The following RGMA variants were observed in gnomAD, a reference collection of about 807,000 sequenced individuals.
The protein encoded by RGMA is repulsive guidance molecule BMP co-receptor a.
A neutral mutation model predicts 23.2 loss-of-function variants in RGMA; 10 were observed. That is an observed-to-expected ratio of 0.43 (90% CI 0.27 to 0.73). RGMA has a LOEUF of 0.73. Among genes scored for constraint, RGMA ranks in the 30% least tolerant of loss-of-function variants. The pLI is 0.20. For missense variants in RGMA, 547 were observed against 630.5 expected (o/e 0.87, Z 1.42); for synonymous variants, 308 against 279.3 (o/e 1.10, Z -1.03).
rs113417002 is a variant in RGMA, at chr15:93,072,325, C to T, written c.130+591G>A. ...TTTAATTCTGAAATTCTCTCCTTTT[C>T]TGACACAATAAAAACAAACAGGGGG... On this transcript the variant is annotated intron_variant, in intron 2 of 3. Transcript: ENST00000329082. Among the ~76,000 whole-genome samples the T allele has an allele frequency of 5.6e-3, 855 of 152,304 alleles. 14 individuals carry two copies. The highest frequency in any genetic ancestry group is 0.02 in the African/African-American group (817 of 41,574).
chr15:93,059,493 G>T (rs1372173512), intron 2 of RGMA, among the ~76,000 whole-genome samples: 1 of 152,202 alleles, frequency 6.6e-6, no homozygotes, highest in East Asian at 1.9e-4. Flanking sequence ...ACTTGGAAAA[G>T]GCCACTGACA....
intron 2 of RGMA, among the ~76,000 whole-genome samples, chr15:93,054,978 T>C (rs1567183761): frequency 6.6e-6 from 1 of 151,944 alleles, no homozygotes; most frequent in Non-Finnish European, 1.5e-5. Flanking sequence ...TGGGGGCGTG[T>C]ATGGGGAGGG....
At chr15:93,085,290 G>C (rs185781465) in intron 1 of RGMA, among the ~76,000 whole-genome samples, 1 of 152,210 alleles carries the variant, frequency 6.6e-6, no homozygotes, top group East Asian at 1.9e-4. Flanking sequence ...CAAGACAGAA[G>C]TCAATGAGTT....
At chr15:93,073,156 C>A (rs1895394174) in intron 1 of RGMA, 125 bp from the exon 2 acceptor site, 1 of 1,211,460 alleles carries the variant, frequency 8.3e-7, no homozygotes. Context: ...GCGCCCGGCG[C>A]GCTCCCCTTC....
At chr15:93,047,792 G>A (rs1007752623) in intron 3 of RGMA, among the ~76,000 whole-genome samples, 5 of 152,358 alleles carry the variant, frequency 3.3e-5, no homozygotes, top group South Asian at 4.1e-4. Flanking sequence ...ATGCCGCCGC[G>A]TGCCAAGGGA....
rs1449767316 is a variant in RGMA at position 93,038,424 on chromosome 15, A to G, written c.*6574T>C. ...GTCTTGTCTGCTGGGAGACACAGGTATGCGAGGGCGGAGGGTGGACTGTTT... is the reference window on the plus strand; with the variant it reads ...GTCTTGTCTGCTGGGAGACACAGGTGTGCGAGGGCGGAGGGTGGACTGTTT... On this transcript the variant is annotated 3_prime_UTR_variant, in exon 4 of 4. Transcript: ENST00000329082. 1 of 152,128 alleles carries G rather than the reference A, an allele frequency of 6.6e-6. No homozygotes were observed. Among genetic ancestry groups the G allele is most frequent in the Non-Finnish European group, 1.5e-5 (1 of 68,044 alleles). The allele number at this position is 152,128 out of a possible 1,614,324, so 9.4% of individuals were successfully genotyped here.
At chr15:93,077,105 T>C (rs897802750) in intron 1 of RGMA, among the ~76,000 whole-genome samples, 1 of 152,042 alleles carries the variant, frequency 6.6e-6, no homozygotes, top group East Asian at 1.9e-4. Context: ...AGGAACAAAG[T>C]GTGCTTTACC....
chr15:93,074,140 T>C (rs1382147919), intron 1 of RGMA: 4 of 613,884 alleles, frequency 6.5e-6, no homozygotes, highest in African/African-American at 1.9e-5. Flanking sequence ...CAAATAGTCC[T>C]GAGCAAGTGT....
At position 93,080,484 on chromosome 15, in the gene RGMA, G is replaced by A. The variant is rs548846679; in HGVS notation, c.15-7453C>T. Among the ~76,000 whole-genome samples, 37 of 152,294 alleles carry A rather than the reference G, an allele frequency of 2.4e-4. 1 individual carries two copies. The highest frequency in any genetic ancestry group is 2.2e-3 in the Admixed American group (33 of 15,296). ...CAGGCTTGGTGACAGAGTGAGGTTTGGGCAGCTCTGGGTGACTCCCAGCTG... is the reference window on the plus strand; with the variant it reads ...CAGGCTTGGTGACAGAGTGAGGTTTAGGCAGCTCTGGGTGACTCCCAGCTG... On this transcript the variant is annotated intron_variant, in intron 1 of 3. Transcript: ENST00000329082.
chr15:93,052,025 G>A lies in RGMA; in HGVS notation c.613C>T (p.Leu205=). Residue 205 remains leucine (L), a synonymous_variant, in exon 3 of 4, where the codon CTG becomes TTG. Coordinates refer to ENST00000329082, the MANE Select transcript of RGMA (RefSeq NM_020211.3). ...GTGGCAGTGGCCGCTGAGCCGGGCA[G>A]CACAGGCGTGTTGGTGACCTGCACG... ...LNVQVTNTPV[L]PGSAATATSK... is the part of the protein sequence containing the mutation. 1 of 1,609,516 alleles carries A rather than the reference G, an allele frequency of 6.2e-7. No individual in the cohort carries two copies. The highest frequency in any genetic ancestry group is 8.5e-7 in the Non-Finnish European group (1 of 1,178,438).
At chr15:93,079,817 CA>C (rs937523183) in intron 1 of RGMA, among the ~76,000 whole-genome samples, 13 of 147,156 alleles carry the variant, frequency 8.8e-5, no homozygotes, top group African/African-American at 2.0e-4. Flanking sequence ...GACTCTGTCT[CA>C]AAAAAAAAAG....
chr15:93,044,763 T>G lies in RGMA; in HGVS notation c.*235A>C. The stretch of plus-strand genomic sequence containing the variant: ...ACTGCAGGGGCGGGGCGAGGGGAGC[T>G]GCTCTCCCTCTCACACAGCTCTACT... On this transcript the variant is annotated 3_prime_UTR_variant, in exon 4 of 4. Coordinates refer to ENST00000329082, the MANE Select transcript of RGMA (RefSeq NM_020211.3). The G allele has an allele frequency of 5.2e-6, 3 of 573,696 alleles. No homozygotes were observed. The highest frequency in any genetic ancestry group is 9.3e-6 in the Non-Finnish European group (3 of 322,472). 35.5% of individuals were successfully genotyped at this position (573,696 alleles called of 1,614,324 possible). A position where few individuals can be genotyped will look rare whatever the true frequency, so the allele number is the denominator to read the frequency against.
At chr15:93,088,672 C>A in intron 1 of RGMA, 1 of 905,284 alleles carries the variant, frequency 1.1e-6, no homozygotes, top group South Asian at 2.0e-5. Flanking sequence ...TGCCCAACCA[C>A]GCGCGCTGGC....
rs1344953270 is a variant in RGMA, at chr15:93,045,915, T to C, written c.646-210A>G. ...TGAAAACAACTTGCCCTTTTTACTT[T>C]AAAAAGTGACTTAGAAAAATGTTAG... On this transcript the variant is annotated intron_variant, in intron 3 of 3. Transcript: ENST00000329082. The surrounding 1 kb of genome is among the most constrained non-coding windows in gnomAD (Gnocchi z 6.9). Among the ~76,000 whole-genome samples the C allele has an allele frequency of 6.6e-6, 1 of 152,180 alleles. No individual in the cohort carries two copies. The highest frequency in any genetic ancestry group is 1.5e-5 in the Non-Finnish European group (1 of 68,032).
chr15:93,083,825 C>A (rs187349039), intron 1 of RGMA, among the ~76,000 whole-genome samples: 1 of 152,178 alleles, frequency 6.6e-6, no homozygotes, highest in Non-Finnish European at 1.5e-5. Context: ...AACTTCGTAA[C>A]GTCTACAGGT....
intron 2 of RGMA, among the ~76,000 whole-genome samples, chr15:93,064,103 C>T (rs374910670): frequency 1.1e-3 from 174 of 152,214 alleles, no homozygotes; most frequent in African/African-American, 3.9e-3. Context: ...AGGCAGACCA[C>T]GGGCAAGTAG....
rs1015873092 is a variant in RGMA, at chr15:93,044,897, A to G, written c.*101T>C. The G allele has an allele frequency of 3.0e-5, 30 of 998,818 alleles. No individual in the cohort carries two copies. The highest frequency in any genetic ancestry group is 4.1e-5 in the Non-Finnish European group (28 of 684,356). The allele number at this position is 998,818 out of a possible 1,614,324, so 61.9% of individuals were successfully genotyped here. On this transcript the variant is annotated 3_prime_UTR_variant, in exon 4 of 4. Coordinates refer to ENST00000329082, the MANE Select transcript of RGMA (RefSeq NM_020211.3). ...GCGGTCCCTGGCGTTCTGCGGGGCC[A>G]TGGTGGACACGCCAGGAGATCTGCA...
In RGMA at chr15:93,052,173, C is replaced by T. The variant is rs201904472; in HGVS notation, c.465G>A (p.Ser155=). ...CACAGTGCGTGTAGTTGGGGGTGGC[C>T]GAGTGCTTGTGAAAGCTCTTCTCGT... ...CHYEKSFHKH[S]ATPNYTHCGL... Residue 155 remains serine, a synonymous_variant, in exon 3 of 4, where the codon TCG becomes TCA. Transcript: ENST00000329082. The T allele has an allele frequency of 3.7e-5, 60 of 1,613,236 alleles. No homozygotes were observed. In the East Asian group the frequency reaches 8.5e-4, roughly 23 times the overall value.
At chr15:93,088,637 C>G in intron 1 of RGMA, 1 of 981,124 alleles carries the variant, frequency 1.0e-6, no homozygotes, top group Non-Finnish European at 1.3e-6. Flanking sequence ...AGCCCGCACA[C>G]GGTGTAAGGG....
Sources: gnomAD v4.1 joint callset for allele counts (sites outside exome capture counted in the v4.1 genomes callset) on GRCh38, gnomAD v4.1.1 for gene constraint, Gnocchi (gnomAD v3.1) non-coding constraint, MANE v1.5 for transcripts, NCBI Gene and HGNC (gene_info 2026-07-23, HGNC 2026-07-21) for gene names.